Variants in DMD observed in about 807,000 individuals in gnomAD.
DMD encodes mutant dystrophin.
DMD carries 63 observed loss-of-function variants against 330.1 expected under a neutral mutation model. The observed-to-expected ratio is 0.19, with a 90% confidence interval of 0.16 to 0.24. The LOEUF (loss-of-function observed/expected upper bound fraction) is 0.24. Ranked by LOEUF, DMD falls within the 10% of genes least tolerant of loss-of-function variation. The pLI, the probability that DMD is intolerant of heterozygous loss-of-function variation, is 1.00. For missense variants in DMD, 3,344 were observed against 2,684.1 expected (o/e 1.25, Z -5.43); for synonymous variants, 1,223 against 959.8 (o/e 1.27, Z -5.07).
chrX:31,569,774 AT>A (rs2075714695), intron 55 of DMD, among the ~76,000 whole-genome samples: 1 of 107,679 alleles, frequency 9.3e-6, no homozygotes, highest in Admixed American at 1.0e-4. Flanking sequence ...TTTTACACAT[AT>A]TCATTTTATA....
intron 42 of DMD, among the ~76,000 whole-genome samples, chrX:32,299,936 T>C (rs932455253): frequency 2.7e-5 from 3 of 111,883 alleles, no homozygotes; most frequent in African/African-American, 9.7e-5. Flanking sequence ...CTTCTTTTCA[T>C]GATTTCAGTT....
intron 44 of DMD, among the ~76,000 whole-genome samples, chrX:32,102,619 G>A (rs1033571316): frequency 9.0e-6 from 1 of 110,817 alleles, no homozygotes; most frequent in East Asian, 2.8e-4. Flanking sequence ...TTAGAATTTC[G>A]AGACAAATCT....
chrX:31,820,090 C>G lies in DMD; in HGVS notation c.7201-7G>C, dbSNP rs377404317. The G allele has an allele frequency of 2.5e-6, 3 of 1,179,392 alleles. No homozygotes were observed. The African/African-American group carries it at 5.3e-5, about 21-fold the overall frequency. ...TCAGATCTTCTAACTTCCTCTTTAA[C>G]AGAAAAGCATACACATTACTTATTC... On this transcript the variant is annotated splice_region_variant and splice_polypyrimidine_tract_variant and intron_variant, in intron 49 of 78. Transcript: ENST00000357033.
intron 35 of DMD, 113 bp downstream of exon 35, chrX:32,364,907 C>T (rs1286511927): frequency 3.6e-6 from 3 of 839,642 alleles, no homozygotes; most frequent in East Asian, 6.7e-5. Flanking sequence ...GAATTAAGAG[C>T]CAGCATATAC....
chrX:32,460,658 T>C (rs745684162), intron 25 of DMD, among the ~76,000 whole-genome samples: 2 of 111,036 alleles, frequency 1.8e-5, no homozygotes, highest in Non-Finnish European at 3.8e-5. Context: ...AGATGTTTTC[T>C]CCACTTCATT....
At chrX:32,324,768 G>A (rs938337947) in intron 41 of DMD, among the ~76,000 whole-genome samples, 1 of 111,720 alleles carries the variant, frequency 9.0e-6, no homozygotes, top group Non-Finnish European at 1.9e-5. Context: ...TAAAAAACAA[G>A]AATAGAGGTG....
At chrX:32,441,615 A>G (rs1356961711) in intron 27 of DMD, among the ~76,000 whole-genome samples, 2 of 111,615 alleles carry the variant, frequency 1.8e-5, no homozygotes, top group Non-Finnish European at 3.8e-5. Flanking sequence ...ATAAAAGCAT[A>G]TGTAAAAATG....
chrX:31,796,232 T>A (rs920477093), intron 50 of DMD, among the ~76,000 whole-genome samples: 1 of 112,525 alleles, frequency 8.9e-6, no homozygotes, highest in African/African-American at 3.2e-5. Context: ...TTGTAGAAGA[T>A]GCTATCTGAA....
At chrX:31,522,361 CTCTATATA>C (rs1461569379) in intron 55 of DMD, among the ~76,000 whole-genome samples, 3 of 50,257 alleles carry the variant, frequency 6.0e-5, no homozygotes, top group African/African-American at 3.7e-4. Flanking sequence ...CTCTCTCTCT[CTCTATATA>C]TATATATATA....
chrX:31,222,403 A>AAC (rs2046185209), intron 64 of DMD, among the ~76,000 whole-genome samples: 1 of 105,785 alleles, frequency 9.5e-6, no homozygotes, highest in Non-Finnish European at 1.9e-5. Context: ...AAAAAAAAAA[A>AAC]AAAAAAAAAA....
At chrX:31,999,798 C>T (rs780342359) in intron 44 of DMD, among the ~76,000 whole-genome samples, 2 of 111,424 alleles carry the variant, frequency 1.8e-5, no homozygotes, top group Non-Finnish European at 3.8e-5. Context: ...GTTCTGAAGT[C>T]GTTTAGGGAT....
intron 41 of DMD, among the ~76,000 whole-genome samples, chrX:32,331,104 A>T (rs917901220): frequency 2.7e-5 from 3 of 111,792 alleles, no homozygotes; most frequent in Non-Finnish European, 5.7e-5. Context: ...AGGATAAGAG[A>T]TACCCTTTGT....
rs1260211682 is a variant in DMD, at chrX:33,054,284, C to A, written c.32-34084G>T. 5.4e-5 allele frequency among the ~76,000 whole-genome samples: 6 copies of A among 112,006 alleles called. No individual in the cohort carries two copies. The East Asian group carries it at 1.1e-3, about 21-fold the overall frequency. On this transcript the variant is annotated intron_variant, in intron 1 of 78. Coordinates refer to ENST00000357033, the MANE Select transcript of DMD (RefSeq NM_004006.3). Reference sequence around the variant, plus strand: ...TGTTTCTATAAATTATGTCTCTATACACATATCTATACATATATATACATA... The same window carrying A: ...TGTTTCTATAAATTATGTCTCTATAAACATATCTATACATATATATACATA...
At chrX:31,364,742 T>A (rs2148607233) in intron 60 of DMD, among the ~76,000 whole-genome samples, 1 of 111,315 alleles carries the variant, frequency 9.0e-6, no homozygotes, top group South Asian at 3.8e-4. Context: ...AGAATGATTT[T>A]ACCAACTGCG....
intron 1 of DMD, among the ~76,000 whole-genome samples, chrX:33,063,674 C>T (rs1476716795): frequency 9.0e-6 from 1 of 110,986 alleles, no homozygotes; most frequent in Non-Finnish European, 1.9e-5. Flanking sequence ...TCCTAGACAC[C>T]CATAGAGGCA....
At chrX:32,770,934 A>C (rs762552070) in intron 7 of DMD, among the ~76,000 whole-genome samples, 14 of 111,943 alleles carry the variant, frequency 1.3e-4, no homozygotes, top group African/African-American at 4.5e-4. Flanking sequence ...AAGCCTTTCA[A>C]CTACAGGAAC....
At chrX:31,576,759 G>GTTTTTTTTTTTTTTTTTTTTT (rs201477815) in intron 55 of DMD, among the ~76,000 whole-genome samples, 10 of 103,654 alleles carry the variant, frequency 9.6e-5, no homozygotes, top group Non-Finnish European at 1.2e-4. Flanking sequence ...ATATGAGGTT[G>GTTTTTTTTTTTTTTTTTTTTT]TTTTTTTTTG....
Position 31,994,669 on chromosome X carries a change from T to C in DMD, c.6439-26155A>G, listed in dbSNP as rs971320001. Among the ~76,000 whole-genome samples the C allele has an allele frequency of 6.3e-5, 7 of 111,665 alleles. No individual in the cohort carries two copies. In the Admixed American group the frequency reaches 6.6e-4, roughly 11 times the overall value. On this transcript the variant is annotated intron_variant, in intron 44 of 78. Transcript: ENST00000357033. ...CAGACTAACTGGAGAAAAATTGGCC[T>C]GAAGTTATACATCAGTCATTTGCAG...
chrX:31,121,583 T>C lies in DMD; in HGVS notation c.*336A>G, dbSNP rs749488834. ...CCAAAATGCGTTCCATATAAAGAAA[T>C]GGCAAGTTATTTAGCTATCAAGATT... On this transcript the variant is annotated 3_prime_UTR_variant, in exon 79 of 79. Coordinates refer to ENST00000357033, the MANE Select transcript of DMD (RefSeq NM_004006.3). 9 of 297,923 alleles carry C rather than the reference T, an allele frequency of 3.0e-5. No individual in the cohort carries two copies. The highest frequency in any genetic ancestry group is 4.7e-5 in the Non-Finnish European group (8 of 171,788). 24.6% of individuals were successfully genotyped at this position (297,923 alleles called of 1,213,427 possible).
Sources: allele counts gnomAD v4.1 joint callset (sites outside exome capture counted in the v4.1 genomes callset), GRCh38; gene constraint gnomAD v4.1.1; transcripts MANE v1.5; gene names NCBI Gene and HGNC (gene_info 2026-07-23, HGNC 2026-07-21).